Variants in SLC41A3 observed in about 807,000 individuals in gnomAD.
The protein encoded by SLC41A3 is SLC41A1-like 2.
In SLC41A3, 44 loss-of-function variants were observed where a neutral mutation model predicts 45.4. That is an observed-to-expected ratio of 0.97 (90% confidence interval 0.76 to 1.25). SLC41A3 has a LOEUF of 1.25. Ranked by LOEUF, SLC41A3 falls within the 50% of genes most tolerant of loss-of-function variation. SLC41A3 has a pLI of 0.00. For synonymous variants in SLC41A3, 256 were observed against 252.4 expected (o/e 1.01, Z -0.13); for missense variants, 550 against 600.6 (o/e 0.92, Z 0.88).
chr3:126,096,198 G>T (rs534176815), intron 1 of SLC41A3, among the ~76,000 whole-genome samples: 8 of 152,286 alleles, frequency 5.3e-5, no homozygotes, highest in African/African-American at 1.4e-4. Context: ...CCATTAAAAT[G>T]GATAAAAACA....
exon 1 of SLC41A3, chr3:126,101,498 C>T (rs1945708438): frequency 6.6e-6 from 1 of 152,278 alleles, no homozygotes; most frequent in African/African-American, 2.4e-5. Flanking sequence ...CGCCCATCTG[C>T]ACCAGAGGTC....
rs1939409109 is a variant in SLC41A3 at position 126,008,858 on chromosome 3, T to G, written c.1128A>C (p.Arg376=). Residue 376 remains arginine (R), a synonymous_variant, in exon 10 of 11, where the codon CGA becomes CGC. Transcript: ENST00000360370. ...CTSEINSMSA[R]VLLLLVVPGH... is the part of the protein sequence containing the mutation. ...CTGGGACCACCAGCAAGAGCAGGACTCGAGCTGACATGGAATTGATTTCTG... is the reference window on the plus strand; with the variant it reads ...CTGGGACCACCAGCAAGAGCAGGACGCGAGCTGACATGGAATTGATTTCTG... The G allele has an allele frequency of 1.3e-5, 21 of 1,614,012 alleles. No homozygotes were observed. The highest frequency in any genetic ancestry group is 1.8e-5 in the Non-Finnish European group (21 of 1,180,002).
intron 1 of SLC41A3, chr3:126,073,207 G>A (rs7622167): frequency 0.14 from 21,070 of 152,266 alleles, 1,650 homozygotes; most frequent in African/African-American, 0.18. Context: ...TTGGGAGGCC[G>A]AGGCAAGCAG....
intron 1 of SLC41A3, among the ~76,000 whole-genome samples, chr3:126,091,128 T>C (rs1806651): frequency 0.71 from 108,006 of 152,100 alleles, 39,600 homozygotes; most frequent in African/African-American, 0.9. Flanking sequence ...AACTTGGCCT[T>C]ACAGATCTCT....
chr3:126,022,696 G>A (rs1294256634), intron 6 of SLC41A3, 90 bp downstream of exon 6: 3 of 1,500,600 alleles, frequency 2.0e-6, no homozygotes, highest in Non-Finnish European at 1.8e-6. Flanking sequence ...TGGGCTGGGT[G>A]CAAAAGTACC....
intron 2 of SLC41A3, chr3:126,056,793 C>T (rs1015177545): frequency 1.2e-5 from 16 of 1,334,464 alleles, no homozygotes; most frequent in Non-Finnish European, 1.5e-5. Context: ...GAGACTCTGC[C>T]AGGCCCTGCT....
At chr3:126,052,855 C>T (rs12495947) in intron 2 of SLC41A3, among the ~76,000 whole-genome samples, 26,166 of 152,204 alleles carry the variant, frequency 0.17, 2,377 homozygotes, top group Middle Eastern at 0.27. Context: ...CTCTCCCTTC[C>T]GCAGCTCGAG....
At chr3:126,008,707 C>T in intron 10 of SLC41A3, 25 bp downstream of exon 10, 1 of 1,612,482 alleles carries the variant, frequency 6.2e-7, no homozygotes, top group Non-Finnish European at 8.5e-7. Context: ...AGCTGCGCAC[C>T]TCTAATTGCT....
At chr3:126,016,398 C>T (rs1469160404) in intron 7 of SLC41A3, among the ~76,000 whole-genome samples, 1 of 152,246 alleles carries the variant, frequency 6.6e-6, no homozygotes, top group Non-Finnish European at 1.5e-5. Context: ...GCCAGCAAAG[C>T]TCTAGTGGCA....
At chr3:126,031,337 A>G (rs1380180225) in intron 4 of SLC41A3, among the ~76,000 whole-genome samples, 1 of 152,242 alleles carries the variant, frequency 6.6e-6, no homozygotes, top group Non-Finnish European at 1.5e-5. Context: ...ACTTGTGGGA[A>G]GTTATCTTAG....
chr3:126,021,560 C>T (rs780907265), intron 6 of SLC41A3, among the ~76,000 whole-genome samples: 37 of 152,178 alleles, frequency 2.4e-4, no homozygotes, highest in African/African-American at 7.7e-4. Context: ...CGGTTTTATG[C>T]CTGCCTGTCC....
intron 1 of SLC41A3, among the ~76,000 whole-genome samples, chr3:126,081,272 A>G (rs1384466673): frequency 6.6e-6 from 1 of 152,232 alleles, no homozygotes; most frequent in Admixed American, 6.5e-5. Flanking sequence ...AAAGACAAAC[A>G]TCACATGGCC....
intron 10 of SLC41A3, 139 bp from the exon 11 acceptor site, chr3:126,007,364 T>TG: frequency 2.1e-6 from 2 of 930,886 alleles, no homozygotes; most frequent in South Asian, 1.7e-5. Context: ...CAGCTTCTCT[T>TG]GGGGTCTGAA....
chr3:126,035,679 GAGA>G (rs1942137363), intron 3 of SLC41A3, among the ~76,000 whole-genome samples: 1 of 152,360 alleles, frequency 6.6e-6, no homozygotes, highest in Middle Eastern at 3.4e-3. Context: ...ACCAAGAGTG[GAGA>G]AGAAGAGCCT....
intron 4 of SLC41A3, among the ~76,000 whole-genome samples, 165 bp downstream of exon 4, chr3:126,033,442 G>T (rs913786811): frequency 6.6e-6 from 1 of 152,116 alleles, no homozygotes; most frequent in Non-Finnish European, 1.5e-5. Flanking sequence ...GCCTCCAGAA[G>T]CTGCGTGAAT....
chr3:126,076,208 A>C (rs1415499340), intron 1 of SLC41A3, among the ~76,000 whole-genome samples: 2 of 152,256 alleles, frequency 1.3e-5, no homozygotes, highest in Non-Finnish European at 2.9e-5. Flanking sequence ...AAGCACATGA[A>C]ACAATGGTTT....
chr3:126,062,017 C>A (rs1012520422), intron 2 of SLC41A3, among the ~76,000 whole-genome samples: 4 of 152,140 alleles, frequency 2.6e-5, no homozygotes, highest in South Asian at 2.1e-4. Flanking sequence ...ACTCCACAGA[C>A]CCTCCCCTGC....
chr3:126,086,392 TTTTC>T (rs1945388370), upstream of SLC41A3, among the ~76,000 whole-genome samples: 1 of 146,714 alleles, frequency 6.8e-6, no homozygotes. Context: ...CTATTTTTCT[TTTTC>T]TTTGTTTTCT....
At chr3:126,094,822 G>T (rs931588562) in intron 1 of SLC41A3, among the ~76,000 whole-genome samples, 1 of 152,146 alleles carries the variant, frequency 6.6e-6, no homozygotes, top group Non-Finnish European at 1.5e-5. Flanking sequence ...TGTAATTAAG[G>T]TATTGACTGT....
Sources: gnomAD v4.1 joint callset for allele counts (sites outside exome capture counted in the v4.1 genomes callset) on GRCh38, gnomAD v4.1.1 for gene constraint, MANE v1.5 for transcripts, NCBI Gene and HGNC (gene_info 2026-07-23, HGNC 2026-07-21) for gene names.